PASK: variants seen among roughly 807,000 people sequenced by gnomAD.
PASK encodes the protein PAS domain-containing serine/threonine-protein kinase.
Under a neutral mutation model 121.0 loss-of-function variants are expected in PASK, and 110 were observed. The ratio of observed to expected loss-of-function variants is 0.91; its 90% CI spans 0.78 to 1.06. PASK has a LOEUF of 1.06. Ranked by LOEUF, PASK falls within the 50% of genes least tolerant of loss-of-function variation. The pLI, the probability that PASK is intolerant of heterozygous loss-of-function variation, is 0.00. For synonymous variants in PASK, 686 were observed against 717.8 expected (o/e 0.96, Z 0.71); for missense variants, 1,643 against 1,702.3 (o/e 0.97, Z 0.61).
chr2:241,131,717 C>G (rs976198188), intron 9 of PASK, among the ~76,000 whole-genome samples: 1 of 152,114 alleles, frequency 6.6e-6, no homozygotes, highest in Non-Finnish European at 1.5e-5. Context: ...CCTGGGCCAC[C>G]TGGGCACCTA....
intron 12 of PASK, 91 bp from the exon 13 acceptor site, chr2:241,115,504 T>C: frequency 4.7e-6 from 7 of 1,495,286 alleles, no homozygotes; most frequent in South Asian, 2.3e-5. Flanking sequence ...AAGCATCCCA[T>C]TACACCAGGG....
In PASK at chr2:241,127,033, G is replaced by C. The variant is rs375258850; in HGVS notation, c.1882C>G (p.Pro628Ala). ...GLWWRSQDLA[P>A]SPSGMAGLSF... ...AGGCCTGCCATCCCAGAGGGGCTGG[G>C]GGCCAAGTCCTGGCTTCGCCACCAC... is the stretch of plus-strand genomic sequence containing the variant. Residue 628 changes from proline (P) to alanine (A), a missense_variant, in exon 10 of 18, where the codon CCC (proline) becomes GCC (alanine). Pro to Ala is a conservative substitution (Grantham distance 27). Transcript: ENST00000234040. The C allele has an allele frequency of 1.5e-5, 25 of 1,614,056 alleles. No individual in the cohort carries two copies. The African/African-American group carries it at 3.1e-4, about 20-fold the overall frequency.
Position 241,112,407 on chromosome 2 carries a change from C to G in PASK, c.3366G>C (p.Lys1122Asn). ...CCTTGATGTCACGGTGGATGATGTC[C>G]TTCAAGCGCAGGTATCCCACTGCTG... ...LVSAVGYLRL[K>N]DIIHRDIKDE... is the part of the protein sequence containing the mutation. The change falls in exon 15 of 18, where the codon AAG (lysine) becomes AAC (asparagine). Residue 1122 changes from lysine to asparagine, a missense_variant. Lys to Asn is a moderately conservative substitution (Grantham distance 94). This residue lies in a region of PASK where 453 missense variants were observed against 511.2 expected (regional missense o/e 0.89). Transcript: ENST00000234040. This position sits in a 1 kb window ranked among gnomAD's most constrained non-coding sequence, Gnocchi z 5.2. The G allele has an allele frequency of 6.2e-7, 1 of 1,613,790 alleles. No individual in the cohort carries two copies. The highest frequency in any genetic ancestry group is 8.5e-7 in the Non-Finnish European group (1 of 1,179,812).
intron 17 of PASK, 84 bp from the exon 18 acceptor site, chr2:241,106,807 G>T (rs1337557979): frequency 9.4e-6 from 13 of 1,388,248 alleles, no homozygotes; most frequent in Non-Finnish European, 1.2e-5. Flanking sequence ...AGAAGTCCTA[G>T]AACAAAAGCC....
At chr2:241,116,676 G>A (rs955057278) in intron 12 of PASK, among the ~76,000 whole-genome samples, 4 of 152,238 alleles carry the variant, frequency 2.6e-5, no homozygotes, top group Non-Finnish European at 5.9e-5. Context: ...GTCAATGATA[G>A]TCAAAGTGTA....
rs183187572 is a variant in PASK, at chr2:241,148,920, A to G, written c.-43+494T>C. 6.5e-3 allele frequency among the ~76,000 whole-genome samples: 991 copies of G among 152,148 alleles called. 10 individuals are homozygous for G. The highest frequency in any genetic ancestry group is 0.022 in the African/African-American group (917 of 41,530). ...CTGGGAAAGAAAAATTAGTGAAAAA[A>G]TTAAGGCTCAAGTCCAGGTCTTTGC... On this transcript the variant is annotated intron_variant, in intron 1 of 17. Coordinates refer to ENST00000234040, the MANE Select transcript of PASK (RefSeq NM_015148.4).
intron 8 of PASK, 113 bp from the exon 9 acceptor site, chr2:241,133,143 C>T: frequency 2.0e-6 from 2 of 1,024,702 alleles, no homozygotes; most frequent in Admixed American, 3.5e-5. Flanking sequence ...CAGCATCGAC[C>T]ACCTCTCACC....
At chr2:241,143,808 A>G (rs1479799437) in intron 1 of PASK, among the ~76,000 whole-genome samples, 1 of 152,248 alleles carries the variant, frequency 6.6e-6, no homozygotes, top group Non-Finnish European at 1.5e-5. Flanking sequence ...AGCTGTGCAC[A>G]GAATCACCTG....
rs768902699 is a variant in PASK at position 241,139,984 on chromosome 2, G to C, written c.501C>G (p.Leu167=). Residue 167 remains leucine (L), a synonymous_variant, in exon 4 of 18, where the codon CTC becomes CTG. Coordinates refer to ENST00000234040, the MANE Select transcript of PASK (RefSeq NM_015148.4). Reference sequence around the variant, plus strand: ...AATCTGACCTCAGAAAGAACTGCGTGAGCTTCTGGCCAATCAGGTCCTGGC... The same window carrying C: ...AATCTGACCTCAGAAAGAACTGCGTCAGCTTCTGGCCAATCAGGTCCTGGC... ...YSSQDLIGQK[L]TQFFLRSDSD... The C allele has an allele frequency of 6.2e-7, 1 of 1,614,028 alleles. No individual in the cohort carries two copies. Among genetic ancestry groups the C allele is most frequent in the Non-Finnish European group, 8.5e-7 (1 of 1,179,868 alleles).
In PASK at chr2:241,125,253, A is replaced by C. The variant is rs1424204732; in HGVS notation, c.2719+943T>G. On this transcript the variant is annotated intron_variant, in intron 10 of 17. Coordinates refer to ENST00000234040, the MANE Select transcript of PASK (RefSeq NM_015148.4). The stretch of plus-strand genomic sequence containing the variant: ...GAGGCGGAGGTTGCAGTAAGCCGAG[A>C]CCATGCCATTGCACTCCAGCTAGGG... 2.6e-5 allele frequency among the ~76,000 whole-genome samples: 4 copies of C among 151,400 alleles called. No individual in the cohort carries two copies. In the East Asian group the frequency reaches 7.8e-4, roughly 29 times the overall value.
chr2:241,149,670 G>C (rs2067190576), upstream of PASK: 8 of 1,546,210 alleles, frequency 5.2e-6, no homozygotes, highest in Admixed American at 1.9e-5. Context: ...CCCCCGGGCC[G>C]GGCAGATGCG....
At chr2:241,116,273 G>A (rs1181042358) in intron 12 of PASK, among the ~76,000 whole-genome samples, 1 of 152,218 alleles carries the variant, frequency 6.6e-6, no homozygotes, top group Non-Finnish European at 1.5e-5. Flanking sequence ...CATGAAAGAA[G>A]AAACAAAGTG....
chr2:241,137,828 A>C, intron 6 of PASK, 125 bp downstream of exon 6: 1 of 1,041,604 alleles, frequency 9.6e-7, no homozygotes, highest in Non-Finnish European at 1.5e-6. Flanking sequence ...GGAAGCTCAA[A>C]ACTGAGCATG....
intron 8 of PASK, among the ~76,000 whole-genome samples, chr2:241,135,447 G>A (rs1002424486): frequency 3.9e-5 from 6 of 152,102 alleles, no homozygotes; most frequent in Admixed American, 2.6e-4. Flanking sequence ...AGGTTGAAAA[G>A]AATCTGTGTA....
At chr2:241,114,820 C>A in intron 14 of PASK, 1 of 1,454,160 alleles carries the variant, frequency 6.9e-7, no homozygotes, top group Middle Eastern at 2.6e-4. Flanking sequence ...CTCAGTCATT[C>A]CAGGACTGTA....
chr2:241,138,392 A>G (rs1187440867), intron 5 of PASK, among the ~76,000 whole-genome samples: 1 of 152,206 alleles, frequency 6.6e-6, no homozygotes, highest in Non-Finnish European at 1.5e-5. Flanking sequence ...GGGGGTTTAC[A>G]TATATTATCT....
Position 241,147,493 on chromosome 2 carries a change from T to A in PASK, c.-43+1921A>T, listed in dbSNP as rs139817622. Among the ~76,000 whole-genome samples the A allele has an allele frequency of 5.9e-3, 892 of 152,106 alleles. 6 individuals carry two copies. Among genetic ancestry groups the A allele is most frequent in the African/African-American group, 0.02 (831 of 41,508 alleles). On this transcript the variant is annotated intron_variant, in intron 1 of 17. Coordinates refer to ENST00000234040, the MANE Select transcript of PASK (RefSeq NM_015148.4). ...AAAATTAGCAAGGTGTGGTGGCACA[T>A]GCTGGTAGTCCCAGCTGCTTGGGAG...
rs745587892 is a variant in PASK at position 241,136,002 on chromosome 2, A to C, written c.1175T>G (p.Met392Arg). The change falls in exon 8 of 18, where the codon ATG (methionine) becomes AGG (arginine). Residue 392 changes from methionine (M) to arginine (R), a missense_variant. Transcript: ENST00000234040. ...TFLIPGFYSY[M>R]DLAYNSSLQL... is the part of the protein sequence containing the mutation. ...TAATGAGCTGTTGTACGCAAGGTCC[A>C]TGTAGCTGTAGAAACCAGGAATCAG... is the stretch of plus-strand genomic sequence containing the variant. The C allele has an allele frequency of 4.3e-6, 7 of 1,614,118 alleles. No individual in the cohort carries two copies. The highest frequency in any genetic ancestry group is 5.9e-6 in the Non-Finnish European group (7 of 1,179,908).
At chr2:241,135,105 G>C (rs534642039) in intron 8 of PASK, among the ~76,000 whole-genome samples, 1 of 152,184 alleles carries the variant, frequency 6.6e-6, no homozygotes, top group Admixed American at 6.5e-5. Context: ...TGGGTCCCTC[G>C]GGACAGGAGG....
Sources: gnomAD v4.1 joint callset for allele counts (sites outside exome capture counted in the v4.1 genomes callset) on GRCh38, gnomAD v4.1.1 for gene constraint, gnomAD v4.1.1 regional missense constraint, Gnocchi (gnomAD v3.1) non-coding constraint, MANE v1.5 for transcripts, NCBI Gene and HGNC (gene_info 2026-07-23, HGNC 2026-07-21) for gene names.